PFKFB4: variants seen among roughly 807,000 people sequenced by gnomAD.
PFKFB4 encodes the protein 6-phosphofructo-2-kinase/fructose-2,6-bisphosphatase 4.
A neutral mutation model predicts 62.8 loss-of-function variants in PFKFB4; 42 were observed. The observed-to-expected ratio is 0.67, with a 90% confidence interval of 0.52 to 0.86. The LOEUF is 0.86. Ranked by LOEUF, PFKFB4 falls within the 40% of genes least tolerant of loss-of-function variation. The probability of loss-of-function intolerance (pLI) is 0.00; values close to 1 mark genes in which losing one functional copy is unlikely to be tolerated. For synonymous variants in PFKFB4, 204 were observed against 240.7 expected (o/e 0.85, Z 1.41); for missense variants, 475 against 627.2 (o/e 0.76, Z 2.59).
chr3:48,556,013 G>T lies in PFKFB4; in HGVS notation c.97+668C>A. 1 of 435,126 alleles carries T rather than the reference G, an allele frequency of 2.3e-6. No individual in the cohort carries two copies. Among genetic ancestry groups the T allele is most frequent in the South Asian group, 1.6e-5 (1 of 63,110 alleles). The allele number at this position is 435,126 out of a possible 1,614,324, so 27.0% of individuals were successfully genotyped here. ...GAGGTGAGCCCCTTAACAATTCCAT[G>T]AATTTCAGCATTCTCCTAGCTGTTT... On this transcript the variant is annotated intron_variant, in intron 1 of 13. Coordinates refer to ENST00000232375, the MANE Select transcript of PFKFB4 (RefSeq NM_004567.4). This position sits in a 1 kb window ranked among gnomAD's most constrained non-coding sequence, Gnocchi z 5.7.
chr3:48,541,925 C>T (rs2042811518), intron 4 of PFKFB4, among the ~76,000 whole-genome samples: 1 of 152,148 alleles, frequency 6.6e-6, no homozygotes, highest in Non-Finnish European at 1.5e-5. Flanking sequence ...GATTGAGACA[C>T]TACACTCCAG....
At chr3:48,536,761 C>A in intron 7 of PFKFB4, 1 of 395,776 alleles carries the variant, frequency 2.5e-6, no homozygotes, top group Non-Finnish European at 4.7e-6. Flanking sequence ...ATGACTTTCT[C>A]CGCTGCTCAT....
chr3:48,555,184 C>T (rs1159162270), intron 1 of PFKFB4, among the ~76,000 whole-genome samples: 2 of 152,094 alleles, frequency 1.3e-5, no homozygotes, highest in Non-Finnish European at 2.9e-5. Flanking sequence ...CCAGAAGAGT[C>T]TCAAAGGAGG....
chr3:48,538,490 T>C lies in PFKFB4; in HGVS notation c.632+8A>G, dbSNP rs2042696967. Reference sequence around the variant, plus strand: ...ACAGCTGCAGGGCCTGGCGCTGCCCTGACTCACCTATCCAGGTCCTCATCT... The same window carrying C: ...ACAGCTGCAGGGCCTGGCGCTGCCCCGACTCACCTATCCAGGTCCTCATCT... On this transcript the variant is annotated splice_region_variant and intron_variant, in intron 7 of 13. Transcript: ENST00000232375. 1 of 1,613,664 alleles carries C rather than the reference T, an allele frequency of 6.2e-7. No individual in the cohort carries two copies. Among genetic ancestry groups the C allele is most frequent in the Non-Finnish European group, 8.5e-7 (1 of 1,179,948 alleles).
At chr3:48,536,187 A>G (rs2042602554) in intron 8 of PFKFB4, 69 bp downstream of exon 8, 1 of 1,372,910 alleles carries the variant, frequency 7.3e-7, no homozygotes, top group African/African-American at 1.4e-5. Flanking sequence ...GCACTCACAC[A>G]TGCATATACC....
chr3:48,519,881 A>G, intron 13 of PFKFB4, 75 bp from the exon 14 acceptor site: 5 of 1,184,288 alleles, frequency 4.2e-6, no homozygotes, highest in South Asian at 3.7e-5. Context: ...CGTCCTCATC[A>G]CTGTGGTTCA....
chr3:48,558,671 T>G (rs2043386885), upstream of PFKFB4, among the ~76,000 whole-genome samples: 1 of 152,226 alleles, frequency 6.6e-6, no homozygotes, highest in Non-Finnish European at 1.5e-5. Flanking sequence ...CTCTAGCTGC[T>G]TGCCCTGGGA....
At chr3:48,553,361 C>A (rs1452064007) in intron 1 of PFKFB4, among the ~76,000 whole-genome samples, 3 of 152,134 alleles carry the variant, frequency 2.0e-5, no homozygotes, top group Non-Finnish European at 4.4e-5. Context: ...GTAATCCCAG[C>A]TACTCGGGAA....
At chr3:48,529,691 T>C (rs985885209) in intron 9 of PFKFB4, among the ~76,000 whole-genome samples, 2 of 152,212 alleles carry the variant, frequency 1.3e-5, no homozygotes, top group African/African-American at 4.8e-5. Flanking sequence ...TGAAAGAGAT[T>C]ATCAATTCTG....
chr3:48,539,638 C>A, intron 5 of PFKFB4, 59 bp downstream of exon 5: 2 of 1,399,086 alleles, frequency 1.4e-6, no homozygotes, highest in East Asian at 2.3e-5. Context: ...TGAAAGGAGC[C>A]CTGGAGGGCA....
At chr3:48,535,995 C>G (rs976698714) in intron 8 of PFKFB4, among the ~76,000 whole-genome samples, 1 of 152,162 alleles carries the variant, frequency 6.6e-6, no homozygotes, top group Admixed American at 6.5e-5. Context: ...GGACTCAGGT[C>G]GCTCTAAGGG....
At position 48,552,614 on chromosome 3, in the gene PFKFB4, G is replaced by C. The variant is rs147898410; in HGVS notation, c.98-2380C>G. ...CATTGTTTGCATAGTTCCCGGCCAG[G>C]TGGCCGGGCTCTCAAGCAACCAAGG... On this transcript the variant is annotated intron_variant, in intron 1 of 13. Coordinates refer to ENST00000232375, the MANE Select transcript of PFKFB4 (RefSeq NM_004567.4). 3.0e-3 allele frequency among the ~76,000 whole-genome samples: 456 copies of C among 152,344 alleles called. 4 individuals are homozygous for C. The highest frequency in any genetic ancestry group is 0.01 in the African/African-American group (425 of 41,586).
At chr3:48,531,617 G>A (rs1410717063) in intron 9 of PFKFB4, among the ~76,000 whole-genome samples, 4 of 149,716 alleles carry the variant, frequency 2.7e-5, no homozygotes, top group East Asian at 2.0e-4. Context: ...CACCGCACCC[G>A]GCCAAAAAAA....
chr3:48,534,093 C>T (rs2042516402), intron 9 of PFKFB4, among the ~76,000 whole-genome samples: 1 of 152,110 alleles, frequency 6.6e-6, no homozygotes, highest in African/African-American at 2.4e-5. Context: ...GAAAAGTTCA[C>T]TGGATGGGTT....
chr3:48,558,476 T>A (rs999460121), upstream of PFKFB4, among the ~76,000 whole-genome samples: 2 of 152,248 alleles, frequency 1.3e-5, no homozygotes, highest in South Asian at 4.1e-4. Flanking sequence ...GCTATAGGTG[T>A]AGCACCCCCT....
At chr3:48,526,727 T>G (rs1263051023) in intron 9 of PFKFB4, among the ~76,000 whole-genome samples, 2 of 150,518 alleles carry the variant, frequency 1.3e-5, no homozygotes, top group African/African-American at 2.4e-5. Context: ...GATCATGAGG[T>G]CAGGAGTTTG....
At chr3:48,562,431 G>A, upstream of PFKFB4, 1 of 293,722 alleles carries the variant, frequency 3.4e-6, no homozygotes, top group Admixed American at 4.7e-5. The surrounding 1 kb of genome is among the most constrained non-coding windows in gnomAD (Gnocchi z 4.3). Context: ...GGGGCACCCA[G>A]ACATAGCAAG....
At chr3:48,536,507 G>A (rs916067038) in intron 7 of PFKFB4, 44 bp from the exon 8 acceptor site, 2 of 1,487,000 alleles carry the variant, frequency 1.3e-6, no homozygotes, top group African/African-American at 2.8e-5. Flanking sequence ...GCGTGGCCAG[G>A]GTTCTCACAG....
chr3:48,554,284 G>C (rs1203374361), intron 1 of PFKFB4, among the ~76,000 whole-genome samples: 1 of 152,200 alleles, frequency 6.6e-6, no homozygotes, highest in Non-Finnish European at 1.5e-5. Flanking sequence ...AGTCTACTAT[G>C]CAAAGGGTAA....
Sources: allele counts gnomAD v4.1 joint callset (sites outside exome capture counted in the v4.1 genomes callset), GRCh38; gene constraint gnomAD v4.1.1; non-coding constraint Gnocchi (gnomAD v3.1); transcripts MANE v1.5; gene names NCBI Gene and HGNC (gene_info 2026-07-23, HGNC 2026-07-21).